Variants in NTRK3 observed in about 807,000 individuals in gnomAD.
The protein encoded by NTRK3 is NT-3 growth factor receptor.
Under a neutral mutation model 91.7 loss-of-function variants are expected in NTRK3, and 24 were observed. That is an observed-to-expected ratio of 0.26 (90% CI 0.19 to 0.37). The LOEUF (loss-of-function observed/expected upper bound fraction) is 0.37, where lower values mean the gene tolerates loss of function less well. NTRK3 is among the 10% of genes least tolerant of loss of function. The pLI, the probability that NTRK3 is intolerant of heterozygous loss-of-function variation, is 1.00. For missense variants in NTRK3, 880 were observed against 1,068.9 expected, an observed-to-expected ratio of 0.82 and a Z score of 2.46; for synonymous variants, 483 against 404.0, an observed-to-expected ratio of 1.20 and a Z score of -2.34.
At chr15:88,088,968 G>C (rs76493675) in intron 13 of NTRK3, among the ~76,000 whole-genome samples, 3,778 of 152,220 alleles carry the variant, frequency 0.025, 148 homozygotes, top group African/African-American at 0.081. Flanking sequence ...GTGGGAATAT[G>C]CACAATCTGT....
intron 13 of NTRK3, among the ~76,000 whole-genome samples, chr15:88,078,463 AAC>A (rs1329227809): frequency 6.6e-6 from 1 of 152,252 alleles, no homozygotes; most frequent in East Asian, 1.9e-4. Context: ...CAGCCTGGCC[AAC>A]ATGGCGAAAC....
At chr15:88,201,516 G>A (rs1434513661) in intron 3 of NTRK3, among the ~76,000 whole-genome samples, 1 of 152,152 alleles carries the variant, frequency 6.6e-6, no homozygotes, top group Non-Finnish European at 1.5e-5. Flanking sequence ...AGACTCTCAA[G>A]GAACCTGTGT....
Position 88,166,900 on chromosome 15 carries a change from G to A in NTRK3, c.395+16518C>T, listed in dbSNP as rs191293118. On this transcript the variant is annotated intron_variant, in intron 5 of 18. Coordinates refer to ENST00000394480, the Ensembl canonical transcript of NTRK3. ...CAGAGCTTAACACAATAAATATTTC[G>A]TCTCTTTTTCTCTTCACTTTGTTTC... Among the ~76,000 whole-genome samples, 17 of 152,172 alleles carry A rather than the reference G, an allele frequency of 1.1e-4. 1 individual carries two copies. Among genetic ancestry groups the A allele is most frequent in the Admixed American group, 6.5e-4 (10 of 15,282 alleles).
intron 18 of NTRK3, among the ~76,000 whole-genome samples, chr15:87,877,536 G>A (rs77500422): frequency 6.6e-6 from 1 of 152,008 alleles, no homozygotes; most frequent in Admixed American, 6.5e-5. Context: ...CTTTGAAACT[G>A]CCATGAAGGA....
chr15:88,180,984 T>C (rs543620098), intron 5 of NTRK3, among the ~76,000 whole-genome samples: 2 of 152,348 alleles, frequency 1.3e-5, no homozygotes, highest in South Asian at 4.1e-4. Flanking sequence ...CTCGTCTCTC[T>C]GCGACCCCCA....
chr15:87,929,289 C>A (rs2141911953), exon 17 of NTRK3: 2 of 1,614,182 alleles, frequency 1.2e-6, no homozygotes, highest in Non-Finnish European at 1.7e-6. Flanking sequence ...GTGGCCAGGT[C>A]TCGGTGCACA....
chr15:88,081,173 C>A (rs2048008750), intron 13 of NTRK3, among the ~76,000 whole-genome samples: 1 of 152,114 alleles, frequency 6.6e-6, no homozygotes, highest in Non-Finnish European at 1.5e-5. Flanking sequence ...GTGTGCCTGG[C>A]CAGGCTGAGA....
intron 17 of NTRK3, among the ~76,000 whole-genome samples, chr15:87,909,991 C>T (rs2066993198): frequency 5.3e-5 from 8 of 152,144 alleles, no homozygotes; most frequent in Admixed American, 5.2e-4. Flanking sequence ...GCAGCCCGAA[C>T]AAATGAACAC....
At chr15:88,127,302 C>A (rs1236255466) in intron 11 of NTRK3, 76 bp from the exon 12 acceptor site, 5 of 1,204,632 alleles carry the variant, frequency 4.2e-6, no homozygotes, top group Non-Finnish European at 4.9e-6. Flanking sequence ...CCCTGCCCAA[C>A]TCCCAAGCTC....
intron 14 of NTRK3, among the ~76,000 whole-genome samples, chr15:88,029,553 A>G (rs1014222541): frequency 6.6e-6 from 1 of 152,236 alleles, no homozygotes; most frequent in Admixed American, 6.5e-5. Flanking sequence ...GAAGTCAGGT[A>G]GCATTATGTT....
chr15:88,073,779 C>CT (rs1165388842), intron 13 of NTRK3, among the ~76,000 whole-genome samples: 3 of 151,808 alleles, frequency 2.0e-5, no homozygotes, highest in Non-Finnish European at 4.4e-5. Context: ...GCTGCAACAC[C>CT]CCCCCGCCCC....
intron 14 of NTRK3, among the ~76,000 whole-genome samples, chr15:87,942,909 G>A (rs183924221): frequency 2.0e-5 from 3 of 152,118 alleles, no homozygotes; most frequent in Admixed American, 6.5e-5. Flanking sequence ...TCAGGCATCC[G>A]CACCTGGTGA....
intron 13 of NTRK3, among the ~76,000 whole-genome samples, chr15:88,036,465 T>C (rs1401517603): frequency 6.6e-6 from 1 of 151,082 alleles, no homozygotes; most frequent in Non-Finnish European, 1.5e-5. Flanking sequence ...AAAATAAAAG[T>C]ATTTGCAAAT....
At chr15:87,881,956 C>T (rs1173792197) in intron 17 of NTRK3, among the ~76,000 whole-genome samples, 4 of 152,108 alleles carry the variant, frequency 2.6e-5, no homozygotes, top group Non-Finnish European at 5.9e-5. Context: ...AGTGCAGTGG[C>T]GCGATCTCCG....
At chr15:88,197,884 A>C (rs913830720) in intron 3 of NTRK3, among the ~76,000 whole-genome samples, 6 of 152,144 alleles carry the variant, frequency 3.9e-5, no homozygotes, top group African/African-American at 1.4e-4. Flanking sequence ...GTTATAATGA[A>C]AAAAAATAAC....
In NTRK3 at chr15:88,255,859, A is replaced by G; in HGVS notation, c.248+47T>C. ...CCGGCCGCGGGTGGGCAGGAGGGAG[A>G]CGCAGAGCGCGGGGGAGGCAGGCTG... On this transcript the variant is annotated intron_variant, in intron 3 of 18. Transcript: ENST00000394480. The surrounding 1 kb of genome is among the most constrained non-coding windows in gnomAD (Gnocchi z 4.3). The G allele has an allele frequency of 1.3e-6, 2 of 1,555,722 alleles. No homozygotes were observed. The highest frequency in any genetic ancestry group is 1.7e-6 in the Non-Finnish European group (2 of 1,144,330).
chr15:87,879,986 A>G (rs2065152140), intron 18 of NTRK3, among the ~76,000 whole-genome samples: 1 of 152,156 alleles, frequency 6.6e-6, no homozygotes, highest in South Asian at 2.1e-4. Context: ...CTTTTTTGTC[A>G]TAGTGAAACA....
At chr15:88,137,505 C>G in exon 7 of NTRK3, 9 of 1,614,198 alleles carry the variant, frequency 5.6e-6, no homozygotes, top group Non-Finnish European at 7.6e-6. Context: ...CTGCTCCTGC[C>G]AGAGCTGCAT....
At chr15:87,904,639 G>A (rs1481118775) in intron 17 of NTRK3, among the ~76,000 whole-genome samples, 1 of 152,172 alleles carries the variant, frequency 6.6e-6, no homozygotes, top group African/African-American at 2.4e-5. Flanking sequence ...CTAAGGCATG[G>A]GTATTATTCT....
Sources: gnomAD v4.1 joint callset for allele counts (sites outside exome capture counted in the v4.1 genomes callset) on GRCh38, gnomAD v4.1.1 for gene constraint, Gnocchi (gnomAD v3.1) non-coding constraint, MANE v1.5 for transcripts, NCBI Gene and HGNC (gene_info 2026-07-23, HGNC 2026-07-21) for gene names.